Variants in HECW1 observed in about 807,000 individuals in gnomAD.
HECW1 encodes HECT, C2 and WW domain containing E3 ubiquitin protein ligase 1, also known as E3 ubiquitin-protein ligase HECW1.
In HECW1, 61 loss-of-function variants were observed where a neutral mutation model predicts 182.3. The observed-to-expected ratio is 0.33, with a 90% CI of 0.27 to 0.41. The LOEUF (loss-of-function observed/expected upper bound fraction) is 0.41, where lower values mean the gene tolerates loss of function less well. HECW1 is among the 10% of genes least tolerant of loss of function. HECW1 has a pLI of 1.00. For missense variants in HECW1, 1,739 were observed against 2,108.9 expected (o/e 0.82, Z 3.44); for synonymous variants, 859 against 832.6 (o/e 1.03, Z -0.55).
At chr7:43,165,215 T>C (rs1011337193) in intron 2 of HECW1, among the ~76,000 whole-genome samples, 3 of 152,256 alleles carry the variant, frequency 2.0e-5, no homozygotes, top group African/African-American at 7.2e-5. Flanking sequence ...TTGTAATGTT[T>C]ATTGAAATGT....
At chr7:43,392,268 G>A (rs1039930651) in intron 6 of HECW1, among the ~76,000 whole-genome samples, 8 of 152,114 alleles carry the variant, frequency 5.3e-5, no homozygotes, top group Non-Finnish European at 7.4e-5. Context: ...AAATAATTCT[G>A]TAATTATTTG....
chr7:43,420,438 T>G (rs889176319), intron 8 of HECW1, among the ~76,000 whole-genome samples: 1 of 152,206 alleles, frequency 6.6e-6, no homozygotes, highest in African/African-American at 2.4e-5. Context: ...CTTTAGCCAC[T>G]TCTGTTTAAT....
At chr7:43,379,570 C>G (rs1462775546) in intron 6 of HECW1, among the ~76,000 whole-genome samples, 7 of 152,298 alleles carry the variant, frequency 4.6e-5, no homozygotes, top group Middle Eastern at 3.4e-3. Flanking sequence ...TCCTGCTGCT[C>G]TGCCCTTGCC....
At chr7:43,253,208 T>G (rs1273448911) in intron 3 of HECW1, among the ~76,000 whole-genome samples, 1 of 152,108 alleles carries the variant, frequency 6.6e-6, no homozygotes. Context: ...GAGCCTCTCA[T>G]TCCTCCTTTC....
intron 8 of HECW1, among the ~76,000 whole-genome samples, chr7:43,419,233 T>C (rs1339838430): frequency 2.0e-5 from 3 of 152,242 alleles, no homozygotes; most frequent in African/African-American, 4.8e-5. Context: ...TTAGCTGCTC[T>C]GTACCACTAT....
chr7:43,283,173 C>A (rs546040218), intron 3 of HECW1, among the ~76,000 whole-genome samples: 2 of 151,770 alleles, frequency 1.3e-5, no homozygotes, highest in South Asian at 2.1e-4. Flanking sequence ...AGTTTGGGGA[C>A]CCCTGGAAGG....
At chr7:43,150,593 T>G (rs2057746) in intron 2 of HECW1, among the ~76,000 whole-genome samples, 69,130 of 152,002 alleles carry the variant, frequency 0.45, 15,864 homozygotes, top group African/African-American at 0.48. Flanking sequence ...TGGCCAGGCT[T>G]GTTTTGAACT....
intron 3 of HECW1, among the ~76,000 whole-genome samples, chr7:43,300,690 A>T (rs1276872666): frequency 6.6e-6 from 1 of 152,138 alleles, no homozygotes; most frequent in Non-Finnish European, 1.5e-5. Flanking sequence ...TTTGATCACA[A>T]AAGGAAAGTG....
chr7:43,443,081 A>C (rs2076939999), intron 10 of HECW1, among the ~76,000 whole-genome samples: 1 of 152,256 alleles, frequency 6.6e-6, no homozygotes, highest in Admixed American at 6.5e-5. Flanking sequence ...TATCACAGAA[A>C]AACAAGAAAA....
intron 5 of HECW1, among the ~76,000 whole-genome samples, chr7:43,333,557 G>A (rs1318274366): frequency 3.9e-5 from 6 of 152,202 alleles, no homozygotes; most frequent in Admixed American, 3.9e-4. Flanking sequence ...TTAGAAGAGT[G>A]TTTTATTGCT....
At chr7:43,278,169 T>C (rs566159147) in intron 3 of HECW1, among the ~76,000 whole-genome samples, 1 of 152,266 alleles carries the variant, frequency 6.6e-6, no homozygotes, top group South Asian at 2.1e-4. Flanking sequence ...TCAACTGGGA[T>C]GTCTTATAAG....
intron 2 of HECW1, among the ~76,000 whole-genome samples, chr7:43,205,399 G>C (rs1318005600): frequency 6.6e-6 from 1 of 152,172 alleles, no homozygotes; most frequent in African/African-American, 2.4e-5. Context: ...GCATTTTAAG[G>C]GGGCTGGAAT....
intron 12 of HECW1, among the ~76,000 whole-genome samples, chr7:43,453,520 T>C (rs2077303093): frequency 6.6e-6 from 1 of 152,280 alleles, no homozygotes; most frequent in South Asian, 2.1e-4. Flanking sequence ...CAGGTAGTAA[T>C]GTCAAGAAGG....
intron 2 of HECW1, among the ~76,000 whole-genome samples, chr7:43,158,873 T>C (rs17172169): frequency 0.055 from 8,371 of 152,310 alleles, 760 homozygotes; most frequent in African/African-American, 0.19. Flanking sequence ...CCCTGACTTA[T>C]GCACCAAGAG....
intron 2 of HECW1, chr7:43,118,104 A>C (rs1785222675): frequency 6.6e-6 from 1 of 152,622 alleles, no homozygotes. Flanking sequence ...GCCCATGATG[A>C]CAAATGCCAT....
intron 2 of HECW1, among the ~76,000 whole-genome samples, chr7:43,193,570 CG>C (rs1794149469): frequency 6.6e-6 from 1 of 151,938 alleles, no homozygotes; most frequent in Non-Finnish European, 1.5e-5. Flanking sequence ...TTAGTAGAGA[CG>C]GGGTTTCACC....
intron 6 of HECW1, among the ~76,000 whole-genome samples, chr7:43,392,801 G>A (rs932574973): frequency 2.6e-5 from 4 of 152,184 alleles, no homozygotes; most frequent in South Asian, 2.1e-4. Flanking sequence ...ACTAAAGGCC[G>A]AGGGAGCCCT....
At chr7:43,507,076 G>C in intron 21 of HECW1, 61 bp from the exon 22 acceptor site, 1 of 1,569,716 alleles carries the variant, frequency 6.4e-7, no homozygotes, top group Non-Finnish European at 8.6e-7. Flanking sequence ...TCTCAAAAAA[G>C]AAAAAAAGAA....
intron 5 of HECW1, among the ~76,000 whole-genome samples, chr7:43,324,159 G>A (rs1197495492): frequency 6.6e-6 from 1 of 152,204 alleles, no homozygotes; most frequent in Admixed American, 6.5e-5. Flanking sequence ...CAATATACCT[G>A]TTGGACTAGC....
Sources: gnomAD v4.1 joint callset for allele counts (sites outside exome capture counted in the v4.1 genomes callset) on GRCh38, gnomAD v4.1.1 for gene constraint, MANE v1.5 for transcripts, NCBI Gene and HGNC (gene_info 2026-07-23, HGNC 2026-07-21) for gene names.